CSMD1: variants seen among roughly 807,000 people sequenced by gnomAD.
CSMD1 encodes CUB and sushi domain-containing protein 1.
In CSMD1, 213 loss-of-function variants were observed where a neutral mutation model predicts 417.5. The observed-to-expected ratio is 0.51, with a 90% CI of 0.46 to 0.57. CSMD1 has a LOEUF of 0.57. Ranked by LOEUF, CSMD1 falls within the 20% of genes least tolerant of loss-of-function variation. CSMD1 has a pLI of 0.00. For synonymous variants in CSMD1, 2,862 were observed against 1,736.8 expected, an observed-to-expected ratio of 1.65 and a Z score of -16.11; for missense variants, 6,923 against 4,529.7, an observed-to-expected ratio of 1.53 and a Z score of -15.17.
At chr8:4,898,268 G>C (rs952935086) in intron 1 of CSMD1, among the ~76,000 whole-genome samples, 2 of 152,004 alleles carry the variant, frequency 1.3e-5, no homozygotes, top group Non-Finnish European at 2.9e-5. Flanking sequence ...CCCGTTTTAG[G>C]CCAAAAATAA....
At chr8:3,646,352 T>C (rs923097354) in intron 7 of CSMD1, among the ~76,000 whole-genome samples, 1 of 152,222 alleles carries the variant, frequency 6.6e-6, no homozygotes, top group Admixed American at 6.5e-5. Context: ...TATTTTTATA[T>C]GTATTTTCCA....
intron 41 of CSMD1, among the ~76,000 whole-genome samples, chr8:3,141,867 T>A (rs1189483957): frequency 6.7e-6 from 1 of 150,296 alleles, no homozygotes; most frequent in East Asian, 2.0e-4. Flanking sequence ...GCGCGATCTC[T>A]CCTCACTGCA....
In CSMD1 at chr8:3,296,801, C is replaced by T. The variant is rs150820278; in HGVS notation, c.3950+10894G>A. Among the ~76,000 whole-genome samples the T allele has an allele frequency of 1.7e-4, 26 of 152,172 alleles. No individual in the cohort carries two copies. In the Middle Eastern group the frequency reaches 0.01, roughly 60 times the overall value. ...AGTTGTCATCCAGTGAACTGAGAAA[C>T]GGTGCAGTATGTTTATGGGATGGGG... On this transcript the variant is annotated intron_variant, in intron 25 of 69. Transcript: ENST00000635120.
chr8:4,766,492 T>C (rs977774912), intron 1 of CSMD1, among the ~76,000 whole-genome samples: 23 of 152,280 alleles, frequency 1.5e-4, no homozygotes, highest in Admixed American at 2.6e-4. Flanking sequence ...AACCAGAAAG[T>C]CAGGCAACTA....
At chr8:2,948,781 G>T (rs1031740358) in intron 68 of CSMD1, among the ~76,000 whole-genome samples, 3 of 152,130 alleles carry the variant, frequency 2.0e-5, no homozygotes, top group African/African-American at 4.8e-5. Context: ...CTGACCAATT[G>T]TATCTACCCA....
intron 3 of CSMD1, among the ~76,000 whole-genome samples, chr8:4,065,279 C>A (rs1365273): frequency 0.034 from 5,243 of 152,272 alleles, 266 homozygotes; most frequent in East Asian, 0.29. Context: ...CTCTGTTGGG[C>A]AGTGCTTCCC....
chr8:3,470,020 G>A (rs1585211369), intron 11 of CSMD1, among the ~76,000 whole-genome samples: 1 of 152,112 alleles, frequency 6.6e-6, no homozygotes. Context: ...AAAGCGCACA[G>A]ATCGTGAATG....
At chr8:4,148,000 C>T (rs992090255) in intron 3 of CSMD1, among the ~76,000 whole-genome samples, 1 of 152,100 alleles carries the variant, frequency 6.6e-6, no homozygotes, top group Non-Finnish European at 1.5e-5. Flanking sequence ...GTCTTAAAAC[C>T]ACGGGTTCCA....
intron 23 of CSMD1, among the ~76,000 whole-genome samples, chr8:3,310,541 T>C (rs1030031157): frequency 6.6e-6 from 1 of 152,198 alleles, no homozygotes; most frequent in African/African-American, 2.4e-5. Context: ...TGAATTTACA[T>C]TAGGTATGCT....
rs906132058 is a variant in CSMD1 at position 3,239,378 on chromosome 8, A to C, written c.4154-9147T>G. 4.1e-5 allele frequency among the ~76,000 whole-genome samples: 4 copies of C among 98,030 alleles called. No individual in the cohort carries two copies. The East Asian group carries it at 9.4e-4, about 23-fold the overall frequency. The allele number at this position is 98,030 out of a possible 152,430, so 64.3% of individuals were successfully genotyped here. On this transcript the variant is annotated intron_variant, in intron 26 of 69. Transcript: ENST00000635120. ...AATGACAAGGCTAAACTGAAGAATT[A>C]TGTCTGACAGAAGGGAAGAAATGAC... is the stretch of plus-strand genomic sequence containing the variant.
chr8:4,038,728 G>A (rs147936852), intron 3 of CSMD1, among the ~76,000 whole-genome samples: 297 of 152,254 alleles, frequency 2.0e-3, no homozygotes, highest in African/African-American at 6.7e-3. Context: ...TTAGGTGATG[G>A]GAATTCTGCG....
At chr8:4,649,591 G>C (rs1803754399) in intron 1 of CSMD1, among the ~76,000 whole-genome samples, 1 of 152,186 alleles carries the variant, frequency 6.6e-6, no homozygotes, top group African/African-American at 2.4e-5. Context: ...TGAAAAGAAT[G>C]TGTCTACAAA....
chr8:4,913,086 G>A (rs1255171692), intron 1 of CSMD1, among the ~76,000 whole-genome samples: 1 of 152,100 alleles, frequency 6.6e-6, no homozygotes, highest in East Asian at 1.9e-4. Flanking sequence ...CCCACAAGTG[G>A]CCAGCACCAG....
chr8:4,860,745 T>TG (rs1223727495), intron 1 of CSMD1, among the ~76,000 whole-genome samples: 1 of 152,156 alleles, frequency 6.6e-6, no homozygotes, highest in Non-Finnish European at 1.5e-5. Context: ...GCTCTTCGTA[T>TG]GGGCATACGT....
At chr8:3,344,548 C>G (rs573782423) in intron 22 of CSMD1, among the ~76,000 whole-genome samples, 2 of 152,316 alleles carry the variant, frequency 1.3e-5, no homozygotes, top group South Asian at 4.1e-4. Context: ...ATCCACCTGC[C>G]TCCCTCACTA....
intron 3 of CSMD1, among the ~76,000 whole-genome samples, chr8:4,203,672 C>T (rs1166740322): frequency 6.6e-6 from 1 of 152,042 alleles, no homozygotes; most frequent in African/African-American, 2.4e-5. Flanking sequence ...CTCTCCTGGC[C>T]ATTTGTAAGT....
chr8:3,478,834 C>A (rs929865027), intron 11 of CSMD1, among the ~76,000 whole-genome samples: 19 of 152,170 alleles, frequency 1.2e-4, no homozygotes, highest in African/African-American at 4.6e-4. Flanking sequence ...GCAGAACCTG[C>A]AAGAGGGATG....
At chr8:4,609,260 G>A (rs1040309451) in intron 2 of CSMD1, among the ~76,000 whole-genome samples, 1 of 152,118 alleles carries the variant, frequency 6.6e-6, no homozygotes, top group Non-Finnish European at 1.5e-5. Context: ...ACTTAGCTGG[G>A]CATGCTGGTG....
rs941064052 is a variant in CSMD1 at position 4,203,077 on chromosome 8, G to C, written c.416-170978C>G. Among the ~76,000 whole-genome samples, 3 of 152,174 alleles carry C rather than the reference G, an allele frequency of 2.0e-5. No individual in the cohort carries two copies. The East Asian group carries it at 5.8e-4, about 29-fold the overall frequency. On this transcript the variant is annotated intron_variant, in intron 3 of 69. Transcript: ENST00000635120. ...TGAGAGTTAAGGATTTTGAGCAAGT[G>C]AGATGACTTGCAGTTATCTGTGTGG...
Sources: allele counts gnomAD v4.1 joint callset (sites outside exome capture counted in the v4.1 genomes callset), GRCh38; gene constraint gnomAD v4.1.1; transcripts MANE v1.5; gene names NCBI Gene and HGNC (gene_info 2026-07-23, HGNC 2026-07-21).